The following SIRPB1 variants were observed in gnomAD, a reference collection of about 807,000 sequenced individuals.
The protein encoded by SIRPB1 is signal regulatory protein beta 1.
A neutral mutation model predicts 34.1 loss-of-function variants in SIRPB1; 28 were observed. The observed-to-expected ratio is 0.82, with a 90% CI of 0.61 to 1.12. SIRPB1 has a LOEUF of 1.12. Among genes scored for constraint, SIRPB1 ranks in the 50% most tolerant of loss-of-function variants. The pLI is 0.00. For synonymous variants in SIRPB1, 211 were observed against 203.8 expected (o/e 1.04, Z -0.30); for missense variants, 499 against 507.0 (o/e 0.98, Z 0.15).
rs1328797187 is a variant in SIRPB1 at position 1,565,117 on chromosome 20, G to A, written c.*383C>T. ...AGGAGGCAGTAGAGAACCTCAACAA[G>A]GCTGGGGGAGTTGGGGTAGGCAGGA... On this transcript the variant is annotated 3_prime_UTR_variant, in exon 6 of 6. Coordinates refer to ENST00000381605, the MANE Select transcript of SIRPB1 (RefSeq NM_006065.5). The A allele has an allele frequency of 2.3e-5, 9 of 398,498 alleles. No individual in the cohort carries two copies. In the East Asian group the frequency reaches 3.2e-4, roughly 14 times the overall value. 24.7% of individuals were successfully genotyped at this position (398,498 alleles called of 1,614,324 possible).
chr20:1,578,613 C>T lies in SIRPB1; in HGVS notation c.158G>A (p.Arg53His), dbSNP rs2746603. The T allele has an allele frequency of 0.095, 150,339 of 1,577,896 alleles. 24,237 individuals carry two copies. Among genetic ancestry groups the T allele is most frequent in the Non-Finnish European group, 0.11 (131,434 of 1,152,114 alleles). ...AGGGATCAGGGACGTCATAGCACAG[C>T]GCAGAGTGGCCGACTCTCCAGCTGC... is the stretch of plus-strand genomic sequence containing the variant. ...SVAAGESATL[R>H]CAMTSLIPVG... is the part of the protein sequence containing the mutation. The change falls in exon 2 of 6, where the codon CGC (arginine) becomes CAC (histidine). Residue 53 changes from arginine to histidine, a missense_variant. Transcript: ENST00000381605.
rs778264745 is a variant in SIRPB1, at chr20:1,578,354, A to G, written c.417T>C (p.Thr139=). The change falls in exon 2 of 6, where the codon ACT becomes ACC. Residue 139 remains threonine (T), a synonymous_variant. Coordinates refer to ENST00000381605, the MANE Select transcript of SIRPB1 (RefSeq NM_006065.5). Reference sequence around the variant, plus strand: ...TGTACTCACCGCGCACAGACAGCTCAGTGCCTGCTCCAGACTTAAACTCCA... The same window carrying G: ...TGTACTCACCGCGCACAGACAGCTCGGTGCCTGCTCCAGACTTAAACTCCA... ...DDVEFKSGAG[T]ELSVRAKPSA... The G allele has an allele frequency of 2.2e-5, 35 of 1,586,300 alleles. 5 individuals are homozygous for G. Among genetic ancestry groups the G allele is most frequent in the Middle Eastern group, 1.7e-4 (1 of 5,914 alleles).
In SIRPB1 at chr20:1,583,427, C is replaced by T. The variant is rs1014042855; in HGVS notation, c.77-4733G>A. Among the ~76,000 whole-genome samples, 2 of 48,406 alleles carry T rather than the reference C, an allele frequency of 4.1e-5. 1 individual carries two copies. Among genetic ancestry groups the T allele is most frequent in the Non-Finnish European group, 7.9e-5 (2 of 25,232 alleles). 31.8% of individuals were successfully genotyped at this position (48,406 alleles called of 152,430 possible). ...GTGATTTCCTACAGTATCTGGCACA[C>T]GGTGGGTATTCAAAAATTGTAAAGT... On this transcript the variant is annotated intron_variant, in intron 1 of 5. Transcript: ENST00000381605.
intron 4 of SIRPB1, chr20:1,570,457 T>G: frequency 5.1e-6 from 1 of 194,716 alleles, no homozygotes; most frequent in Non-Finnish European, 1.1e-5. Flanking sequence ...GGTGCTGTGC[T>G]GGCGAGAAAT....
In SIRPB1 at chr20:1,619,754, C is replaced by G. The variant is rs6074903; in HGVS notation, c.76+115G>C. ...CTGATTTTCTGCTCTCAGTCAAAGC[C>G]TAATCCTTGGCCTTTCTTGGCAGCA... On this transcript the variant is annotated intron_variant, in intron 1 of 5. Coordinates refer to ENST00000381605, the MANE Select transcript of SIRPB1 (RefSeq NM_006065.5). The G allele has an allele frequency of 5.5e-5, 41 of 740,872 alleles. No homozygotes were observed. The African/African-American group carries it at 6.9e-4, about 12-fold the overall frequency. 45.9% of individuals were successfully genotyped at this position (740,872 alleles called of 1,614,324 possible). A position where few individuals can be genotyped will look rare whatever the true frequency, so the allele number is the denominator to read the frequency against.
intron 2 of SIRPB1, among the ~76,000 whole-genome samples, chr20:1,574,610 C>G (rs2091287223): frequency 6.9e-6 from 1 of 145,224 alleles, no homozygotes; most frequent in African/African-American, 2.5e-5. Flanking sequence ...AACCCAAACC[C>G]CATTTATACT....
At position 1,613,350 on chromosome 20, in the gene SIRPB1, C is replaced by T. The variant is rs56285431; in HGVS notation, c.76+6519G>A. ...ATCCTGGAATACAGGGATGTTTCAA[C>T]GTCATTCTCCAAGAATTAATCTCCT... On this transcript the variant is annotated intron_variant, in intron 1 of 5. Coordinates refer to ENST00000381605, the MANE Select transcript of SIRPB1 (RefSeq NM_006065.5). Among the ~76,000 whole-genome samples, 3 of 74,358 alleles carry T rather than the reference C, an allele frequency of 4.0e-5. 1 individual carries two copies. The highest frequency in any genetic ancestry group is 2.2e-4 in the African/African-American group (3 of 13,454). The allele number at this position is 74,358 out of a possible 152,430, so 48.8% of individuals were successfully genotyped here. A position where few individuals can be genotyped will look rare whatever the true frequency, so the allele number is the denominator to read the frequency against.
intron 2 of SIRPB1, among the ~76,000 whole-genome samples, chr20:1,577,666 G>A (rs1422158625): frequency 6.8e-6 from 1 of 146,784 alleles, no homozygotes; most frequent in Non-Finnish European, 1.5e-5. Context: ...TAGACCCACA[G>A]CAAATGCCAA....
chr20:1,578,615 C>T lies in SIRPB1; in HGVS notation c.156G>A (p.Leu52=). 8.2e-6 allele frequency: 13 copies of T among 1,584,380 alleles called. 1 individual carries two copies. The South Asian group carries it at 1.1e-4, about 13-fold the overall frequency. The part of the protein sequence containing the change: ...VSVAAGESAT[L]RCAMTSLIPV... ...GGATCAGGGACGTCATAGCACAGCG[C>T]AGAGTGGCCGACTCTCCAGCTGCAA... The change falls in exon 2 of 6, where the codon CTG becomes CTA. Residue 52 remains leucine, a synonymous_variant. Coordinates refer to ENST00000381605, the MANE Select transcript of SIRPB1 (RefSeq NM_006065.5).
Position 1,610,476 on chromosome 20 carries a change from T to G in SIRPB1, c.76+9393A>C, listed in dbSNP as rs558993919. 2.0e-3 allele frequency among the ~76,000 whole-genome samples: 146 copies of G among 72,506 alleles called. 64 individuals are homozygous for G. The highest frequency in any genetic ancestry group is 0.012 in the African/African-American group (141 of 11,428). 47.6% of individuals were successfully genotyped at this position (72,506 alleles called of 152,430 possible). A position where few individuals can be genotyped will look rare whatever the true frequency, so the allele number is the denominator to read the frequency against. ...AGGTCCTTCCTGTGCTGACATTCCA[T>G]AATTCAGGACTTAGGACGAAGCTCT... On this transcript the variant is annotated intron_variant, in intron 1 of 5. Coordinates refer to ENST00000381605, the MANE Select transcript of SIRPB1 (RefSeq NM_006065.5).
intron 1 of SIRPB1, among the ~76,000 whole-genome samples, chr20:1,616,560 T>G (rs2091632588): frequency 6.6e-6 from 1 of 151,998 alleles, no homozygotes; most frequent in African/African-American, 2.4e-5. Flanking sequence ...AAAAATCAAT[T>G]CAAAATGTAT....
At chr20:1,569,871 G>A (rs2091200059) in intron 4 of SIRPB1, among the ~76,000 whole-genome samples, 1 of 152,238 alleles carries the variant, frequency 6.6e-6, no homozygotes, top group South Asian at 2.1e-4. Flanking sequence ...TTCGACTGGA[G>A]TAGAGGGACC....
rs1368076113 is a variant in SIRPB1 at position 1,564,769 on chromosome 20, A to G, written c.*731T>C. The G allele has an allele frequency of 1.5e-5, 6 of 397,130 alleles. No homozygotes were observed. The highest frequency in any genetic ancestry group is 1.0e-4 in the African/African-American group (5 of 48,626). 24.6% of individuals were successfully genotyped at this position (397,130 alleles called of 1,614,324 possible). On this transcript the variant is annotated 3_prime_UTR_variant, in exon 6 of 6. Coordinates refer to ENST00000381605, the MANE Select transcript of SIRPB1 (RefSeq NM_006065.5). ...GAGAAATTGGCAAGCACTGCAAAAC[A>G]GCTTTTGGTTTTTCCCTTTCAGAAA...
intron 4 of SIRPB1, among the ~76,000 whole-genome samples, chr20:1,566,666 C>A (rs2091141274): frequency 6.6e-6 from 1 of 152,122 alleles, no homozygotes; most frequent in Admixed American, 6.5e-5. Context: ...CCTAGGGAAG[C>A]CCATCATTAT....
rs769237661 is a variant in SIRPB1 at position 1,572,051 on chromosome 20, A to G, written c.434-14T>C. The stretch of plus-strand genomic sequence containing the variant: ...CAGAGGGTTTGGCTACAAAAGGACC[A>G]TCGATAATCAGGAGACATGACTCAG... On this transcript the variant is annotated splice_polypyrimidine_tract_variant and intron_variant, in intron 2 of 5. Coordinates refer to ENST00000381605, the MANE Select transcript of SIRPB1 (RefSeq NM_006065.5). 7 of 1,613,824 alleles carry G rather than the reference A, an allele frequency of 4.3e-6. No individual in the cohort carries two copies. In the South Asian group the frequency reaches 7.7e-5, roughly 18 times the overall value.
At chr20:1,579,110 C>A (rs1426294941) in intron 1 of SIRPB1, among the ~76,000 whole-genome samples, 2 of 147,832 alleles carry the variant, frequency 1.4e-5, no homozygotes, top group South Asian at 2.1e-4. Context: ...TTCCACCATA[C>A]CTGGCCAATT....
At chr20:1,569,544 C>T (rs1462597767) in intron 4 of SIRPB1, among the ~76,000 whole-genome samples, 1 of 152,196 alleles carries the variant, frequency 6.6e-6, no homozygotes, top group African/African-American at 2.4e-5. Flanking sequence ...CATTGTTTGT[C>T]TTCTATTTCG....
Position 1,563,555 on chromosome 20 carries a change from A to G in SIRPB1, c.*1945T>C, listed in dbSNP as rs1182106264. On this transcript the variant is annotated 3_prime_UTR_variant, in exon 6 of 6. Transcript: ENST00000381605. ...CAATGCTTGCTCCGTGTATTAGCCCATTCTCACACTGCTATAAAGAACTAC... is the reference window on the plus strand; with the variant it reads ...CAATGCTTGCTCCGTGTATTAGCCCGTTCTCACACTGCTATAAAGAACTAC... 1.3e-5 allele frequency: 2 copies of G among 152,176 alleles called. No individual in the cohort carries two copies. The highest frequency in any genetic ancestry group is 2.4e-5 in the African/African-American group (1 of 41,440). The allele number at this position is 152,176 out of a possible 1,614,324, so 9.4% of individuals were successfully genotyped here. A position where few individuals can be genotyped will look rare whatever the true frequency, so the allele number is the denominator to read the frequency against.
At chr20:1,616,104 G>A (rs754540389) in intron 1 of SIRPB1, among the ~76,000 whole-genome samples, 17 of 152,114 alleles carry the variant, frequency 1.1e-4, no homozygotes, top group Non-Finnish European at 1.6e-4. Flanking sequence ...CCATGCTTGT[G>A]GATTAGATAA....
Sources: gnomAD v4.1 joint callset for allele counts (sites outside exome capture counted in the v4.1 genomes callset) on GRCh38, gnomAD v4.1.1 for gene constraint, MANE v1.5 for transcripts, NCBI Gene and HGNC (gene_info 2026-07-23, HGNC 2026-07-21) for gene names.